The following SOS2 variants were observed in gnomAD, a reference collection of about 807,000 sequenced individuals.
SOS2 encodes the protein son of sevenless homolog 2.
In SOS2, 65 loss-of-function variants were observed where a neutral mutation model predicts 148.2. That is an observed-to-expected ratio of 0.44 (90% CI 0.36 to 0.54). SOS2 has a LOEUF of 0.54. Ranked by LOEUF, SOS2 falls within the 20% of genes least tolerant of loss-of-function variation. The pLI is 0.00. For missense variants in SOS2, 1,341 were observed against 1,590.2 expected, an observed-to-expected ratio of 0.84 and a Z score of 2.67; for synonymous variants, 539 against 537.1, an observed-to-expected ratio of 1.00 and a Z score of -0.05.
At chr14:50,172,425 T>G in intron 8 of SOS2, among the ~76,000 whole-genome samples, 1 of 134,178 alleles carries the variant, frequency 7.5e-6, no homozygotes, top group Non-Finnish European at 1.6e-5. Flanking sequence ...ATTCCTTTTT[T>G]TTTTTTTTCT....
chr14:50,153,832 C>T (rs901835523), intron 12 of SOS2, among the ~76,000 whole-genome samples: 8 of 152,160 alleles, frequency 5.3e-5, no homozygotes, highest in African/African-American at 1.9e-4. Context: ...AGGCTGGTCT[C>T]GAACTCCTGA....
chr14:50,227,416 G>GT (rs1887413446), intron 1 of SOS2, among the ~76,000 whole-genome samples: 1 of 140,688 alleles, frequency 7.1e-6, no homozygotes. Flanking sequence ...GCTAATTTTG[G>GT]TATTTTTTTT....
chr14:50,212,680 G>A (rs1356831855), intron 1 of SOS2, among the ~76,000 whole-genome samples: 1 of 152,266 alleles, frequency 6.6e-6, no homozygotes, highest in Non-Finnish European at 1.5e-5. Flanking sequence ...GAATCATCTA[G>A]CAAACAGAGG....
intron 22 of SOS2, among the ~76,000 whole-genome samples, chr14:50,119,699 C>T (rs1883434374): frequency 6.6e-6 from 1 of 150,654 alleles, no homozygotes; most frequent in African/African-American, 2.4e-5. Context: ...CCATGCCCGG[C>T]TAATTTTTGT....
intron 16 of SOS2, among the ~76,000 whole-genome samples, chr14:50,144,130 T>C (rs1884385343): frequency 1.3e-5 from 2 of 152,096 alleles, no homozygotes; most frequent in South Asian, 4.1e-4. Flanking sequence ...CTTCTACATA[T>C]GAATATTCCA....
intron 12 of SOS2, chr14:50,156,101 G>A (rs1034875382): frequency 2.6e-5 from 4 of 151,720 alleles, no homozygotes; most frequent in Admixed American, 6.6e-5. Flanking sequence ...CAGTAATCAA[G>A]GAAACTTGAA....
At position 50,118,474 on chromosome 14, in the gene SOS2, G is replaced by T. The variant is rs1244881868; in HGVS notation, c.3869C>A (p.Pro1290His). Reference protein sequence around the residue: ...SQNNLAHPPAPPVPPRQNSSP... With the variant: ...SQNNLAHPPAHPVPPRQNSSP... ...TGAATTCTGCCTTGGTGGAACAGGG[G>T]GAGCTGGAGGATGAGCAAGATTATT... Residue 1290 changes from proline to histidine, a missense_variant, in exon 23 of 23, where the codon CCC (proline) becomes CAC (histidine). By Grantham distance (77) the Pro-to-His change is moderately conservative. Transcript: ENST00000216373. The T allele has an allele frequency of 6.2e-7, 1 of 1,614,078 alleles. No homozygotes were observed. Among genetic ancestry groups the T allele is most frequent in the Admixed American group, 1.7e-5 (1 of 60,002 alleles).
chr14:50,167,514 G>A (rs904675640), intron 8 of SOS2, among the ~76,000 whole-genome samples: 5 of 151,788 alleles, frequency 3.3e-5, no homozygotes, highest in South Asian at 2.1e-4. Context: ...CAGCCTGGGC[G>A]ACAAGAGTGA....
intron 4 of SOS2, among the ~76,000 whole-genome samples, chr14:50,191,494 C>T (rs1353437939): frequency 6.6e-6 from 1 of 151,872 alleles, no homozygotes; most frequent in Non-Finnish European, 1.5e-5. Context: ...ACATATAAAC[C>T]CCCCAGCTCC....
intron 4 of SOS2, among the ~76,000 whole-genome samples, chr14:50,193,998 G>A (rs1183500350): frequency 2.0e-5 from 3 of 152,138 alleles, no homozygotes; most frequent in African/African-American, 7.2e-5. Flanking sequence ...GCCCGTCTTG[G>A]CCTCCCAAAG....
At position 50,139,080 on chromosome 14, in the gene SOS2, T is replaced by C. The variant is rs1884178369; in HGVS notation, c.2786-296A>G. On this transcript the variant is annotated intron_variant, in intron 17 of 22. Transcript: ENST00000216373. The stretch of plus-strand genomic sequence containing the variant: ...TTTTCTAAACTCTAATTTCACCAAG[T>C]GCAAATTGTGTTAAATCTATTCTGA... Among the ~76,000 whole-genome samples, 4 of 152,164 alleles carry C rather than the reference T, an allele frequency of 2.6e-5. No individual in the cohort carries two copies. The South Asian group carries it at 8.3e-4, about 31-fold the overall frequency.
Position 50,160,041 on chromosome 14 carries a change from G to T in SOS2, c.1242C>A (p.His414Gln). ...TTTCATTCATTTTTTTGATAGCCAGGTGTTTGCTTCTTAATTGGTGACTAT... is the reference window on the plus strand; with the variant it reads ...TTTCATTCATTTTTTTGATAGCCAGTTGTTTGCTTCTTAATTGGTGACTAT... The part of the protein sequence containing the change: ...PFYSHQLRSK[H>Q]LAIKKMNEIQ... The change falls in exon 10 of 23, where the codon CAC (histidine) becomes CAA (glutamine). Residue 414 changes from histidine to glutamine, a missense_variant. By Grantham distance (24) the His-to-Gln change is conservative. Coordinates refer to ENST00000216373, the MANE Select transcript of SOS2 (RefSeq NM_006939.4). The T allele has an allele frequency of 3.7e-6, 6 of 1,613,696 alleles. No homozygotes were observed. The highest frequency in any genetic ancestry group is 4.2e-6 in the Non-Finnish European group (5 of 1,179,870).
chr14:50,134,221 T>A lies in SOS2; in HGVS notation c.2977A>T (p.Asn993Tyr). The change falls in exon 19 of 23, where the codon AAC (asparagine) becomes TAC (tyrosine). Residue 993 changes from asparagine to tyrosine, a missense_variant. This residue lies in a region of SOS2 where 408 missense variants were observed against 506.6 expected (regional missense o/e 0.81). Transcript: ENST00000216373. The part of the protein sequence containing the change: ...PDMRRFFENL[N>Y]PMGSASEKEF... ...TTTTCAGATGCACTTCCCATGGGGTTAAGGTTTTCAAAGAATCTCTGGAAT... is the reference window on the plus strand; with the variant it reads ...TTTTCAGATGCACTTCCCATGGGGTAAAGGTTTTCAAAGAATCTCTGGAAT... The A allele has an allele frequency of 6.4e-7, 1 of 1,568,526 alleles. No individual in the cohort carries two copies. Among genetic ancestry groups the A allele is most frequent in the Non-Finnish European group, 8.7e-7 (1 of 1,142,958 alleles).
intron 12 of SOS2, chr14:50,156,733 A>C (rs1884833202): frequency 5.6e-6 from 1 of 178,968 alleles, no homozygotes; most frequent in African/African-American, 2.4e-5. Context: ...ATACGTAAGC[A>C]TAACATATCA....
At chr14:50,211,462 T>A (rs562185228) in intron 1 of SOS2, among the ~76,000 whole-genome samples, 31 of 152,182 alleles carry the variant, frequency 2.0e-4, no homozygotes, top group Admixed American at 1.9e-3. Context: ...ACCTCCTCTA[T>A]TAGTCCCCGG....
intron 1 of SOS2, among the ~76,000 whole-genome samples, chr14:50,220,208 G>A (rs951838520): frequency 3.3e-5 from 5 of 150,462 alleles, no homozygotes; most frequent in African/African-American, 1.2e-4. Flanking sequence ...AGACCATCCT[G>A]GCTAACATGG....
At chr14:50,230,279 T>C (rs10454683) in intron 1 of SOS2, among the ~76,000 whole-genome samples, 1 of 152,016 alleles carries the variant, frequency 6.6e-6, no homozygotes, top group African/African-American at 2.4e-5. Context: ...CTTGGTTATT[T>C]TGCACAAAAG....
At chr14:50,151,689 G>A (rs544806009) in intron 13 of SOS2, among the ~76,000 whole-genome samples, 20 of 152,198 alleles carry the variant, frequency 1.3e-4, no homozygotes, top group African/African-American at 3.6e-4. Context: ...TTCTTAGATT[G>A]TGTCTAATCC....
chr14:50,159,982 T>C lies in SOS2; in HGVS notation c.1301A>G (p.Asp434Gly). 6.2e-7 allele frequency: 1 copy of C among 1,614,148 alleles called. No homozygotes were observed. The highest frequency in any genetic ancestry group is 1.3e-5 in the African/African-American group (1 of 75,052). The stretch of plus-strand genomic sequence containing the variant: ...GAATTCATTACAACACTGTCCAATA[T>C]CTTTGCCTTCCCATCCATCGATATT... ...QKNIDGWEGK[D>G]IGQCCNEFIM... Residue 434 changes from aspartate (D) to glycine (G), a missense_variant, in exon 10 of 23, where the codon GAT becomes GGT. Around this residue, in one of 4 missense-constraint regions of SOS2, gnomAD observed 574 missense variants for 711.1 expected, o/e 0.81. Coordinates refer to ENST00000216373, the MANE Select transcript of SOS2 (RefSeq NM_006939.4).
Sources: allele counts gnomAD v4.1 joint callset (sites outside exome capture counted in the v4.1 genomes callset), GRCh38; gene constraint gnomAD v4.1.1; regional missense constraint gnomAD v4.1.1; transcripts MANE v1.5; gene names NCBI Gene and HGNC (gene_info 2026-07-23, HGNC 2026-07-21).